DGKG: variants seen among roughly 807,000 people sequenced by gnomAD.
DGKG encodes the protein diacylglycerol kinase gamma.
DGKG carries 78 observed loss-of-function variants against 105.3 expected under a neutral mutation model. The ratio of observed to expected loss-of-function variants is 0.74; its 90% CI spans 0.62 to 0.89. The LOEUF (loss-of-function observed/expected upper bound fraction) is 0.89, where lower values mean the gene tolerates loss of function less well. DGKG is among the 40% of genes least tolerant of loss of function. DGKG has a pLI of 0.00. For synonymous variants in DGKG, 346 were observed against 367.1 expected, an observed-to-expected ratio of 0.94 and a Z score of 0.66; for missense variants, 958 against 1,020.1, an observed-to-expected ratio of 0.94 and a Z score of 0.83.
intron 5 of DGKG, among the ~76,000 whole-genome samples, chr3:186,297,068 T>TCTCTCACACA (rs1452573661): frequency 1.1e-4 from 15 of 130,506 alleles, no homozygotes; most frequent in African/African-American, 3.5e-4. Context: ...TCTGTCTCTC[T>TCTCTCACACA]CACACACACA....
At chr3:186,348,173 T>C (rs922856591) in intron 1 of DGKG, among the ~76,000 whole-genome samples, 1 of 152,152 alleles carries the variant, frequency 6.6e-6, no homozygotes, top group African/African-American at 2.4e-5. Flanking sequence ...ATTTTGGCAG[T>C]TGCATTGTTT....
rs36040773 is a variant in DGKG at position 186,148,957 on chromosome 3, A to ATT, written c.*1131_*1132dup. The ATT allele has an allele frequency of 2.0e-4, 147 of 723,692 alleles. No homozygotes were observed. Among genetic ancestry groups the ATT allele is most frequent in the East Asian group, 8.3e-4 (4 of 4,822 alleles). The allele number at this position is 723,692 out of a possible 1,614,324, so 44.8% of individuals were successfully genotyped here. On this transcript the variant is annotated 3_prime_UTR_variant, in exon 25 of 25. Coordinates refer to ENST00000265022, the MANE Select transcript of DGKG (RefSeq NM_001346.3). Reference sequence around the variant, plus strand: ...AGGAAAAGTCCATCAGTAAATAAATATTTATATATATATATATATAAATAT... The same window carrying ATT: ...AGGAAAAGTCCATCAGTAAATAAATATTTTTATATATATATATATATAAATAT...
chr3:186,330,359 G>T lies in DGKG; in HGVS notation c.-248-9652C>A, dbSNP rs551073514. Among the ~76,000 whole-genome samples the T allele has an allele frequency of 2.6e-5, 4 of 152,264 alleles. No homozygotes were observed. In the South Asian group the frequency reaches 8.3e-4, roughly 32 times the overall value. On this transcript the variant is annotated intron_variant, in intron 1 of 24. Coordinates refer to ENST00000265022, the MANE Select transcript of DGKG (RefSeq NM_001346.3). ...AATTTATCAATGAACTGTCACTATT[G>T]TGGTCGTCATTTACATTGGTGGTCC... is the stretch of plus-strand genomic sequence containing the variant.
At chr3:186,184,482 C>T (rs911414345) in intron 22 of DGKG, among the ~76,000 whole-genome samples, 2 of 147,854 alleles carry the variant, frequency 1.4e-5, no homozygotes, top group Non-Finnish European at 3.0e-5. Flanking sequence ...TCACTGCAAC[C>T]TCCGCCCCTT....
In DGKG at chr3:186,251,914, C is replaced by A; in HGVS notation, c.1606G>T (p.Glu536Ter). The A allele has an allele frequency of 6.3e-7, 1 of 1,578,342 alleles. No homozygotes were observed. Among genetic ancestry groups the A allele is most frequent in the South Asian group, 1.2e-5 (1 of 84,874 alleles). The change falls in exon 19 of 25, where the codon GAA (glutamate) becomes TAA (stop). Residue 536 changes from glutamate to a stop codon, truncating the protein, a stop_gained. Coordinates refer to ENST00000265022, the MANE Select transcript of DGKG (RefSeq NM_001346.3). LOFTEE classifies it high-confidence loss of function. ...AGGATTTTTGTCAAGCTGCCCCCTT[C>A]ATAACCTGTGGAGGACAGCACTGCA... ...ARCLRWGGGY[E>*]GGSLTKILKD...
intron 4 of DGKG, 106 bp downstream of exon 4, chr3:186,297,958 G>A (rs1350770947): frequency 7.5e-7 from 1 of 1,340,388 alleles, no homozygotes; most frequent in African/African-American, 1.5e-5. Flanking sequence ...TCGCACCGTT[G>A]GGGCAGTTAC....
chr3:186,220,133 C>G (rs1226467373), intron 20 of DGKG, among the ~76,000 whole-genome samples: 1 of 152,042 alleles, frequency 6.6e-6, no homozygotes, highest in Non-Finnish European at 1.5e-5. Flanking sequence ...GCTTGGTAAC[C>G]AGAGACACGG....
At position 186,185,269 on chromosome 3, in the gene DGKG, A is replaced by G. The variant is rs773554534; in HGVS notation, c.2095+2933T>C. On this transcript the variant is annotated intron_variant, in intron 22 of 24. Transcript: ENST00000265022. ...TGCTGGCATCTCTGCAAAGCCCAGA[A>G]GTCAGTGCCCCACTCTGATCAGCTG... 1.3e-5 allele frequency among the ~76,000 whole-genome samples: 2 copies of G among 152,340 alleles called. 1 individual carries two copies. The highest frequency in any genetic ancestry group is 4.8e-5 in the African/African-American group (2 of 41,586).
chr3:186,215,014 A>T (rs1287262426), intron 20 of DGKG, among the ~76,000 whole-genome samples: 1 of 152,198 alleles, frequency 6.6e-6, no homozygotes, highest in African/African-American at 2.4e-5. Flanking sequence ...GTCTTGCTGG[A>T]GGGGACACAG....
At chr3:186,352,517 T>C (rs1726682591) in intron 1 of DGKG, among the ~76,000 whole-genome samples, 1 of 152,176 alleles carries the variant, frequency 6.6e-6, no homozygotes, top group South Asian at 2.1e-4. Flanking sequence ...TCCATCTGGA[T>C]CTCTCACTGA....
chr3:186,176,598 A>G (rs1474416314), intron 22 of DGKG, among the ~76,000 whole-genome samples: 3 of 152,120 alleles, frequency 2.0e-5, no homozygotes, highest in Non-Finnish European at 4.4e-5. Flanking sequence ...TATGTTTGGA[A>G]TACTAGGATT....
At chr3:186,278,909 G>T (rs893339583) in intron 9 of DGKG, among the ~76,000 whole-genome samples, 4 of 152,166 alleles carry the variant, frequency 2.6e-5, no homozygotes, top group African/African-American at 2.4e-5. Flanking sequence ...GTCACCATTT[G>T]TGCTCCTACT....
intron 20 of DGKG, among the ~76,000 whole-genome samples, chr3:186,214,868 G>A (rs997600563): frequency 8.5e-5 from 13 of 152,196 alleles, no homozygotes; most frequent in Non-Finnish European, 1.8e-4. Flanking sequence ...GGTTGGCCAA[G>A]AACCAGGCAC....
intron 20 of DGKG, 137 bp downstream of exon 20, chr3:186,242,367 C>A: frequency 1.5e-6 from 1 of 653,418 alleles, no homozygotes; most frequent in Non-Finnish European, 2.6e-6. Flanking sequence ...AAATGGAAAC[C>A]CTCCTTCCGG....
chr3:186,239,707 G>T (rs1560109588), intron 20 of DGKG, among the ~76,000 whole-genome samples: 1 of 152,174 alleles, frequency 6.6e-6, no homozygotes. Flanking sequence ...GAGCACGCAG[G>T]TTTACGTGCA....
intron 3 of DGKG, among the ~76,000 whole-genome samples, chr3:186,298,681 G>C (rs907780624): frequency 2.0e-5 from 3 of 152,154 alleles, no homozygotes; most frequent in African/African-American, 7.2e-5. Flanking sequence ...GGATGCAGTT[G>C]AAAATATGAT....
intron 21 of DGKG, among the ~76,000 whole-genome samples, chr3:186,191,631 C>T (rs1037094184): frequency 1.3e-5 from 2 of 152,256 alleles, no homozygotes; most frequent in Admixed American, 1.3e-4. Flanking sequence ...CAGAATGGCA[C>T]AGTCCTGTTG....
chr3:186,327,850 A>G (rs919651883), intron 1 of DGKG, among the ~76,000 whole-genome samples: 1 of 152,134 alleles, frequency 6.6e-6, no homozygotes, highest in Non-Finnish European at 1.5e-5. Flanking sequence ...TAGGACTCTG[A>G]CACTTATCTC....
chr3:186,242,361 G>A (rs1319069240), intron 20 of DGKG, 143 bp downstream of exon 20: 6 of 636,432 alleles, frequency 9.4e-6, no homozygotes, highest in Non-Finnish European at 1.6e-5. Flanking sequence ...TCTTGGAAAT[G>A]GAAACCCTCC....
Sources: allele counts gnomAD v4.1 joint callset (sites outside exome capture counted in the v4.1 genomes callset), GRCh38; gene constraint gnomAD v4.1.1; transcripts MANE v1.5; gene names NCBI Gene and HGNC (gene_info 2026-07-23, HGNC 2026-07-21).